The following PCGF5 variants were observed in gnomAD, a reference collection of about 807,000 sequenced individuals.
PCGF5 encodes polycomb group ring finger 5.
In PCGF5, 9 loss-of-function variants were observed where a neutral mutation model predicts 44.3. The observed-to-expected ratio is 0.20, with a 90% CI of 0.12 to 0.35. The LOEUF (loss-of-function observed/expected upper bound fraction) is 0.35, where lower values mean the gene tolerates loss of function less well. Among genes scored for constraint, PCGF5 ranks in the 10% least tolerant of loss-of-function variants. PCGF5 has a pLI of 1.00. For missense variants in PCGF5, 146 were observed against 305.3 expected (o/e 0.48, Z 3.89); for synonymous variants, 95 against 102.5 (o/e 0.93, Z 0.44).
chr10:91,173,655 T>C (rs888019449), intron 1 of PCGF5, among the ~76,000 whole-genome samples: 1 of 149,938 alleles, frequency 6.7e-6, no homozygotes, highest in Middle Eastern at 3.5e-3. Flanking sequence ...GTCCAAAATA[T>C]GCGCTTTTTT....
chr10:91,200,509 T>G (rs1844231806), intron 1 of PCGF5, among the ~76,000 whole-genome samples: 1 of 152,210 alleles, frequency 6.6e-6, no homozygotes, highest in African/African-American at 2.4e-5. Flanking sequence ...ATGGATGAGA[T>G]TGCATTGAAA....
At chr10:91,195,020 G>A (rs1453081884) in intron 1 of PCGF5, among the ~76,000 whole-genome samples, 1 of 152,118 alleles carries the variant, frequency 6.6e-6, no homozygotes, top group Non-Finnish European at 1.5e-5. Flanking sequence ...GAGAGTGTGT[G>A]TGAGTTCTCT....
At chr10:91,203,271 C>T (rs1198024510) in intron 1 of PCGF5, among the ~76,000 whole-genome samples, 1 of 152,176 alleles carries the variant, frequency 6.6e-6, no homozygotes, top group African/African-American at 2.4e-5. Context: ...AGGATGATTG[C>T]ATGTCTTTTT....
At chr10:91,185,058 G>A (rs1244408730) in intron 1 of PCGF5, among the ~76,000 whole-genome samples, 1 of 152,228 alleles carries the variant, frequency 6.6e-6, no homozygotes, top group African/African-American at 2.4e-5. Flanking sequence ...TGTGCTAGGG[G>A]TACCCCCTCT....
intron 1 of PCGF5, among the ~76,000 whole-genome samples, chr10:91,173,632 T>C (rs1479393906): frequency 2.8e-5 from 4 of 143,834 alleles, no homozygotes; most frequent in Non-Finnish European, 4.5e-5. Context: ...GAGGCAATTA[T>C]AAGTTTTGGC....
chr10:91,235,270 A>T (rs1845127611), intron 2 of PCGF5, among the ~76,000 whole-genome samples: 2 of 152,220 alleles, frequency 1.3e-5, no homozygotes, highest in South Asian at 4.1e-4. Flanking sequence ...CATGATGCCC[A>T]TTTAAATTTT....
chr10:91,240,000 A>T (rs1445398322), intron 2 of PCGF5, among the ~76,000 whole-genome samples: 1 of 152,196 alleles, frequency 6.6e-6, no homozygotes, highest in Non-Finnish European at 1.5e-5. Flanking sequence ...AGCAAAGTCC[A>T]TTGTGACTCC....
intron 9 of PCGF5, among the ~76,000 whole-genome samples, chr10:91,273,215 T>C (rs1344694314): frequency 6.6e-6 from 1 of 152,232 alleles, no homozygotes; most frequent in Non-Finnish European, 1.5e-5. Context: ...GGGTAAATAA[T>C]TTAACTGAGC....
At chr10:91,235,265 T>C (rs1393479673) in intron 2 of PCGF5, among the ~76,000 whole-genome samples, 2 of 152,214 alleles carry the variant, frequency 1.3e-5, no homozygotes, top group East Asian at 3.8e-4. Flanking sequence ...GTGATCATGA[T>C]GCCCATTTAA....
At chr10:91,186,689 G>A (rs12244087) in intron 1 of PCGF5, among the ~76,000 whole-genome samples, 3 of 151,664 alleles carry the variant, frequency 2.0e-5, no homozygotes, top group East Asian at 3.9e-4. Context: ...GTTCCATCCC[G>A]GGCCTCCCTA....
chr10:91,230,407 G>C (rs1352529925), intron 2 of PCGF5, among the ~76,000 whole-genome samples: 1 of 151,992 alleles, frequency 6.6e-6, no homozygotes, highest in Non-Finnish European at 1.5e-5. Flanking sequence ...ATTTTCATTT[G>C]GGTACTCTGA....
At chr10:91,166,521 A>G (rs1470790938) in intron 1 of PCGF5, among the ~76,000 whole-genome samples, 2 of 152,204 alleles carry the variant, frequency 1.3e-5, no homozygotes, top group African/African-American at 4.8e-5. Context: ...TAATGAAACT[A>G]CTGTTTAATT....
intron 8 of PCGF5, among the ~76,000 whole-genome samples, chr10:91,265,338 CAG>C (rs1373839218): frequency 1.3e-5 from 2 of 152,020 alleles, no homozygotes; most frequent in Non-Finnish European, 2.9e-5. Flanking sequence ...GTAATGCTAT[CAG>C]AAATTATCTT....
chr10:91,225,423 C>G (rs1166135843), intron 2 of PCGF5, among the ~76,000 whole-genome samples: 1 of 151,372 alleles, frequency 6.6e-6, no homozygotes, highest in East Asian at 1.9e-4. Flanking sequence ...CCATCAAGCC[C>G]TTTTACTGAG....
At chr10:91,191,917 A>C (rs1409257701) in intron 1 of PCGF5, among the ~76,000 whole-genome samples, 2 of 152,030 alleles carry the variant, frequency 1.3e-5, no homozygotes, top group East Asian at 3.8e-4. Context: ...TTTAATTTTC[A>C]CTCTCTCTCC....
intron 3 of PCGF5, among the ~76,000 whole-genome samples, chr10:91,241,401 T>C (rs745787223): frequency 1.7e-4 from 26 of 152,074 alleles, no homozygotes; most frequent in Non-Finnish European, 2.8e-4. Context: ...AAGTGGTCTA[T>C]GAGATTCTAA....
At chr10:91,221,106 C>G (rs947365749) in intron 1 of PCGF5, among the ~76,000 whole-genome samples, 15 of 151,734 alleles carry the variant, frequency 9.9e-5, no homozygotes, top group Non-Finnish European at 2.2e-4. Flanking sequence ...GGGCCTGGGC[C>G]CGCGCACCTG....
chr10:91,195,152 G>A (rs1036389440), intron 1 of PCGF5, among the ~76,000 whole-genome samples: 2 of 152,034 alleles, frequency 1.3e-5, no homozygotes, highest in Admixed American at 1.3e-4. Flanking sequence ...TGGGAGATTA[G>A]TAGAAGAGGG....
intron 1 of PCGF5, among the ~76,000 whole-genome samples, chr10:91,183,230 G>C (rs1843854583): frequency 6.6e-6 from 1 of 152,148 alleles, no homozygotes; most frequent in South Asian, 2.1e-4. Flanking sequence ...GGAGTCTTAA[G>C]TTTCTATTAG....
Sources: gnomAD v4.1 joint callset for allele counts (sites outside exome capture counted in the v4.1 genomes callset) on GRCh38, gnomAD v4.1.1 for gene constraint, MANE v1.5 for transcripts, NCBI Gene and HGNC (gene_info 2026-07-23, HGNC 2026-07-21) for gene names.